The following LINGO2 variants were observed in gnomAD, a reference collection of about 807,000 sequenced individuals.
The protein encoded by LINGO2 is leucine rich repeat and Ig domain containing 2.
In LINGO2, 14 loss-of-function variants were observed where a neutral mutation model predicts 30.6. The observed-to-expected ratio is 0.46, with a 90% confidence interval of 0.30 to 0.72. The LOEUF (loss-of-function observed/expected upper bound fraction) is 0.72. LINGO2 is among the 30% of genes least tolerant of loss of function. LINGO2 has a pLI of 0.07. For missense variants in LINGO2, 729 were observed against 751.7 expected, an observed-to-expected ratio of 0.97 and a Z score of 0.35; for synonymous variants, 317 against 288.5, an observed-to-expected ratio of 1.10 and a Z score of -1.00.
At chr9:28,521,967 T>G (rs981545689) in intron 1 of LINGO2, among the ~76,000 whole-genome samples, 1 of 152,202 alleles carries the variant, frequency 6.6e-6, no homozygotes, top group Non-Finnish European at 1.5e-5. Flanking sequence ...GGAGGATCCT[T>G]CTCTGTATCC....
intron 4 of LINGO2, among the ~76,000 whole-genome samples, chr9:28,053,529 G>A (rs1824774745): frequency 6.6e-6 from 1 of 152,082 alleles, no homozygotes; most frequent in African/African-American, 2.4e-5. Flanking sequence ...TGCTACATTT[G>A]GAGTTCTTTC....
intron 4 of LINGO2, among the ~76,000 whole-genome samples, chr9:28,092,677 C>T (rs1826131129): frequency 2.0e-5 from 3 of 151,380 alleles, no homozygotes; most frequent in South Asian, 2.1e-4. Context: ...GCACATGTAC[C>T]CTAGAACTTA....
intron 4 of LINGO2, among the ~76,000 whole-genome samples, chr9:28,123,473 G>A (rs1384740381): frequency 2.6e-5 from 4 of 152,080 alleles, no homozygotes; most frequent in African/African-American, 7.2e-5. Context: ...TCTCAGGAAT[G>A]AAGGACACAT....
At chr9:28,029,564 T>C (rs1823559000) in intron 4 of LINGO2, among the ~76,000 whole-genome samples, 1 of 152,172 alleles carries the variant, frequency 6.6e-6, no homozygotes, top group Admixed American at 6.5e-5. Flanking sequence ...AGGAACCACA[T>C]TTATATCCTT....
At chr9:28,055,984 A>G (rs1008738676) in intron 4 of LINGO2, among the ~76,000 whole-genome samples, 3 of 152,174 alleles carry the variant, frequency 2.0e-5, no homozygotes, top group Admixed American at 2.0e-4. Flanking sequence ...ACTACTTGAG[A>G]CCTTCATTAT....
At chr9:28,860,970 T>C in the LINGO2 span, among the ~76,000 whole-genome samples, 2 of 130,674 alleles carry the variant, frequency 1.5e-5, no homozygotes, top group African/African-American at 5.7e-5. Flanking sequence ...TATATATCAT[T>C]AATATATAAA....
chr9:27,974,554 C>T (rs1386725583), intron 5 of LINGO2, among the ~76,000 whole-genome samples: 1 of 152,060 alleles, frequency 6.6e-6, no homozygotes, highest in Admixed American at 6.6e-5. Context: ...CAATGCTAGT[C>T]ACCATGACTG....
chr9:28,019,052 CTT>C (rs1464519870), intron 4 of LINGO2, among the ~76,000 whole-genome samples: 2 of 152,048 alleles, frequency 1.3e-5, no homozygotes, highest in Non-Finnish European at 2.9e-5. Flanking sequence ...CATGTTCTCA[CTT>C]ATACATGGGA....
chr9:28,298,678 T>G (rs894796611), intron 3 of LINGO2, among the ~76,000 whole-genome samples: 97 of 142,242 alleles, frequency 6.8e-4, no homozygotes, highest in African/African-American at 2.4e-3. Flanking sequence ...AGCAAAACTC[T>G]GTCTCAAAAA....
chr9:28,745,788 A>T, the LINGO2 span, among the ~76,000 whole-genome samples: 2 of 151,994 alleles, frequency 1.3e-5, no homozygotes, highest in Non-Finnish European at 2.9e-5. Context: ...ATATGGCTTC[A>T]AATACATATT....
At chr9:28,583,010 G>C (rs1226896923) in intron 1 of LINGO2, among the ~76,000 whole-genome samples, 2 of 151,734 alleles carry the variant, frequency 1.3e-5, no homozygotes, top group African/African-American at 4.8e-5. Context: ...TAAATTTTTG[G>C]AACAGAGGAC....
At chr9:29,163,066 G>C in the LINGO2 span, among the ~76,000 whole-genome samples, 1 of 152,112 alleles carries the variant, frequency 6.6e-6, no homozygotes, top group Non-Finnish European at 1.5e-5. Context: ...CAAAGAACTT[G>C]TGACGGCATA....
rs1333398115 is a variant in LINGO2, at chr9:28,349,006, C to T, written c.-246+23830G>A. Among the ~76,000 whole-genome samples the T allele has an allele frequency of 4.5e-3, 668 of 150,090 alleles. 3 individuals are homozygous for T. The highest frequency in any genetic ancestry group is 8.1e-3 in the Non-Finnish European group (542 of 66,802). ...CACCAAAAACCCATCTGTACATCAC[C>T]ATCATCAAAGACCAAAAGTAGATAA... On this transcript the variant is annotated intron_variant, in intron 3 of 5. Transcript: ENST00000379992.
At chr9:29,069,275 T>A in the LINGO2 span, among the ~76,000 whole-genome samples, 1 of 152,000 alleles carries the variant, frequency 6.6e-6, no homozygotes, top group African/African-American at 2.4e-5. Context: ...ACTGTCATCA[T>A]AAGAACCCTC....
the LINGO2 span, among the ~76,000 whole-genome samples, chr9:28,864,526 A>T: frequency 6.6e-6 from 1 of 152,286 alleles, no homozygotes; most frequent in South Asian, 2.1e-4. Context: ...AAGAATCTAT[A>T]AATCTTCCCA....
chr9:28,144,121 A>G (rs1354944330), intron 4 of LINGO2, among the ~76,000 whole-genome samples: 1 of 152,214 alleles, frequency 6.6e-6, no homozygotes, highest in African/African-American at 2.4e-5. Flanking sequence ...TAGATAAAAT[A>G]GTTTGTATTT....
At chr9:27,979,627 G>T (rs1820761103) in intron 5 of LINGO2, among the ~76,000 whole-genome samples, 1 of 151,812 alleles carries the variant, frequency 6.6e-6, no homozygotes, top group Non-Finnish European at 1.5e-5. Context: ...GAAAATAGAG[G>T]TATGGAAAAG....
At chr9:28,283,031 T>C (rs1235880731) in intron 4 of LINGO2, among the ~76,000 whole-genome samples, 1 of 152,124 alleles carries the variant, frequency 6.6e-6, no homozygotes, top group African/African-American at 2.4e-5. Flanking sequence ...ACTTGCAAAA[T>C]GTATTTGGCT....
At chr9:29,082,569 A>G in the LINGO2 span, among the ~76,000 whole-genome samples, 1 of 152,194 alleles carries the variant, frequency 6.6e-6, no homozygotes, top group African/African-American at 2.4e-5. Flanking sequence ...ACAAAAGCCA[A>G]AATTGAAAAA....
Sources: allele counts gnomAD v4.1 joint callset (sites outside exome capture counted in the v4.1 genomes callset), GRCh38; gene constraint gnomAD v4.1.1; transcripts MANE v1.5; gene names NCBI Gene and HGNC (gene_info 2026-07-23, HGNC 2026-07-21).